Variants in SORCS1 observed in about 807,000 individuals in gnomAD.
SORCS1 encodes the protein VPS10 domain-containing receptor SorCS1.
Under a neutral mutation model 146.1 loss-of-function variants are expected in SORCS1, and 60 were observed. The observed-to-expected ratio is 0.41, with a 90% CI of 0.33 to 0.51. SORCS1 has a LOEUF of 0.51. Ranked by LOEUF, SORCS1 falls within the 20% of genes least tolerant of loss-of-function variation. The pLI is 0.21. For missense variants in SORCS1, 1,352 were observed against 1,487.6 expected (o/e 0.91, Z 1.50); for synonymous variants, 637 against 584.0 (o/e 1.09, Z -1.31).
chr10:106,898,862 C>T (rs1951589719), intron 2 of SORCS1, among the ~76,000 whole-genome samples: 1 of 152,196 alleles, frequency 6.6e-6, no homozygotes, highest in Admixed American at 6.5e-5. Context: ...AACCCAAAGG[C>T]CCATTTATTT....
chr10:107,086,551 T>A (rs990194209), intron 1 of SORCS1, among the ~76,000 whole-genome samples: 3 of 152,248 alleles, frequency 2.0e-5, no homozygotes, highest in Admixed American at 2.0e-4. Flanking sequence ...ATATTTTGAC[T>A]TCGCCATTTA....
chr10:106,836,217 G>A (rs1948776381), intron 2 of SORCS1, among the ~76,000 whole-genome samples: 1 of 151,538 alleles, frequency 6.6e-6, no homozygotes, highest in Admixed American at 6.6e-5. Flanking sequence ...GCTCACGCCT[G>A]TAATCCCAGA....
intron 1 of SORCS1, among the ~76,000 whole-genome samples, chr10:107,009,250 A>AT (rs367823411): frequency 1.8e-4 from 28 of 152,370 alleles, no homozygotes; most frequent in African/African-American, 6.5e-4. Flanking sequence ...TGACCCTTAT[A>AT]AAAGCTATTC....
intron 6 of SORCS1, among the ~76,000 whole-genome samples, chr10:106,719,485 T>G (rs1020377008): frequency 1.3e-5 from 2 of 151,600 alleles, no homozygotes; most frequent in Non-Finnish European, 2.9e-5. Flanking sequence ...CCATCTTGGC[T>G]CACTGCAACC....
chr10:106,765,564 A>G (rs7071222), intron 4 of SORCS1, among the ~76,000 whole-genome samples: 22,844 of 151,990 alleles, frequency 0.15, 1,818 homozygotes, highest in East Asian at 0.23. Context: ...TGGAGCTGCC[A>G]GTTGGGTGGT....
intron 1 of SORCS1, among the ~76,000 whole-genome samples, chr10:107,044,989 C>T (rs10884408): frequency 0.24 from 37,069 of 151,816 alleles, 4,796 homozygotes; most frequent in Middle Eastern, 0.41. Context: ...ACTGATAGTG[C>T]CCTGAAAGAT....
At chr10:106,620,650 T>C (rs1053987724) in intron 19 of SORCS1, 89 bp from the exon 20 acceptor site, 59 of 1,462,476 alleles carry the variant, frequency 4.0e-5, no homozygotes, top group Middle Eastern at 2.4e-4. Flanking sequence ...ACATTTACTC[T>C]TGAAGCCCCC....
intron 5 of SORCS1, among the ~76,000 whole-genome samples, chr10:106,758,330 T>C (rs1326880431): frequency 6.6e-6 from 1 of 152,184 alleles, no homozygotes; most frequent in Non-Finnish European, 1.5e-5. Flanking sequence ...TGGGAAGTGT[T>C]CTCATCTCAG....
Position 106,620,654 on chromosome 10 carries a change from A to G in SORCS1, c.2663-93T>C, listed in dbSNP as rs773564050. On this transcript the variant is annotated intron_variant, in intron 19 of 25. Transcript: ENST00000263054. ...GAAGAGATCACACATTTACTCTTGA[A>G]GCCCCCAAAACCTGGCTGCCATATT... 3.0e-4 allele frequency: 434 copies of G among 1,452,786 alleles called. 3 individuals are homozygous for G. Among genetic ancestry groups the G allele is most frequent in the Middle Eastern group, 1.5e-3 (6 of 4,076 alleles). 90.0% of individuals were successfully genotyped at this position (1,452,786 alleles called of 1,614,324 possible). A position where few individuals can be genotyped will look rare whatever the true frequency, so the allele number is the denominator to read the frequency against.
intron 2 of SORCS1, among the ~76,000 whole-genome samples, chr10:106,886,064 C>A (rs1344782944): frequency 6.6e-6 from 1 of 152,110 alleles, no homozygotes; most frequent in African/African-American, 2.4e-5. Flanking sequence ...GAGTTCCAGA[C>A]CAGCCTGGCC....
At chr10:107,036,661 C>T (rs112551112) in intron 1 of SORCS1, among the ~76,000 whole-genome samples, 4 of 152,286 alleles carry the variant, frequency 2.6e-5, no homozygotes, top group Admixed American at 1.3e-4. Flanking sequence ...GATTTCAACA[C>T]GTAAGAGCTA....
At chr10:106,601,101 T>C (rs779984258) in intron 23 of SORCS1, among the ~76,000 whole-genome samples, 1 of 152,102 alleles carries the variant, frequency 6.6e-6, no homozygotes, top group Non-Finnish European at 1.5e-5. Context: ...TCTTCGGCTA[T>C]AGAAAGGAGT....
intron 1 of SORCS1, among the ~76,000 whole-genome samples, chr10:107,012,043 T>C (rs1288183423): frequency 2.0e-5 from 3 of 152,248 alleles, no homozygotes; most frequent in African/African-American, 7.2e-5. Context: ...TCCTCGAAGA[T>C]AACATGTTCA....
At chr10:107,165,662 C>T (rs1970028743), upstream of SORCS1, among the ~76,000 whole-genome samples, 1 of 152,138 alleles carries the variant, frequency 6.6e-6, no homozygotes, top group Non-Finnish European at 1.5e-5. The surrounding 1 kb of genome is among the most constrained non-coding windows in gnomAD (Gnocchi z 4.0). Context: ...ATCTGCATAA[C>T]AAATAAATAC....
chr10:106,863,792 C>G (rs1473532648), intron 2 of SORCS1, among the ~76,000 whole-genome samples: 2 of 151,364 alleles, frequency 1.3e-5, no homozygotes, highest in Non-Finnish European at 2.9e-5. Flanking sequence ...TTGCCAGATT[C>G]CCATTGCCTT....
At chr10:106,877,268 A>G (rs547199726) in intron 2 of SORCS1, among the ~76,000 whole-genome samples, 1 of 152,296 alleles carries the variant, frequency 6.6e-6, no homozygotes, top group African/African-American at 2.4e-5. Flanking sequence ...TCTACTTTTG[A>G]ACAAGTAGAA....
chr10:107,178,398 G>A, the SORCS1 span, among the ~76,000 whole-genome samples: 7 of 151,846 alleles, frequency 4.6e-5, no homozygotes, highest in African/African-American at 1.7e-4. Context: ...TTGTCTTTCT[G>A]TGCCTGGCTT....
At chr10:106,609,709 T>C (rs1846846283) in intron 22 of SORCS1, among the ~76,000 whole-genome samples, 2 of 152,236 alleles carry the variant, frequency 1.3e-5, no homozygotes, top group Admixed American at 1.3e-4. Context: ...TATTCCTGAT[T>C]ATGCTACACA....
chr10:106,629,799 A>G (rs1246761408), intron 18 of SORCS1, among the ~76,000 whole-genome samples: 1 of 152,194 alleles, frequency 6.6e-6, no homozygotes, highest in African/African-American at 2.4e-5. Flanking sequence ...TAATCCCAGC[A>G]CTTTGGGAGG....
Sources: gnomAD v4.1 joint callset for allele counts (sites outside exome capture counted in the v4.1 genomes callset) on GRCh38, gnomAD v4.1.1 for gene constraint, Gnocchi (gnomAD v3.1) non-coding constraint, MANE v1.5 for transcripts, NCBI Gene and HGNC (gene_info 2026-07-23, HGNC 2026-07-21) for gene names.